DLG2: variants seen among roughly 807,000 people sequenced by gnomAD.
The protein encoded by DLG2 is disks large homolog 2.
Under a neutral mutation model 132.5 loss-of-function variants are expected in DLG2, and 45 were observed. That is an observed-to-expected ratio of 0.34 (90% CI 0.27 to 0.44). The LOEUF (loss-of-function observed/expected upper bound fraction) is 0.44. Ranked by LOEUF, DLG2 falls within the 20% of genes least tolerant of loss-of-function variation. The pLI is 1.00. For synonymous variants in DLG2, 424 were observed against 419.6 expected (o/e 1.01, Z -0.13); for missense variants, 1,045 against 1,196.9 (o/e 0.87, Z 1.87).
chr11:85,383,819 ATAACTTC>A (rs2086101162), intron 3 of DLG2, among the ~76,000 whole-genome samples: 1 of 152,176 alleles, frequency 6.6e-6, no homozygotes, highest in South Asian at 2.1e-4. Flanking sequence ...GCTTATATTA[ATAACTTC>A]CCTATAGGCT....
At chr11:84,915,899 T>C (rs779272294) in intron 6 of DLG2, among the ~76,000 whole-genome samples, 11 of 152,288 alleles carry the variant, frequency 7.2e-5, no homozygotes, top group Non-Finnish European at 1.0e-4. Flanking sequence ...AGAGACACAG[T>C]TCCTGCCCTC....
At chr11:83,794,839 CCTGT>C (rs2042402865) in intron 17 of DLG2, among the ~76,000 whole-genome samples, 1 of 152,032 alleles carries the variant, frequency 6.6e-6, no homozygotes, top group Non-Finnish European at 1.5e-5. Flanking sequence ...AATTTAATAT[CCTGT>C]CTAATTCCGA....
At chr11:84,891,639 A>G (rs1423132880) in intron 6 of DLG2, among the ~76,000 whole-genome samples, 1 of 152,196 alleles carries the variant, frequency 6.6e-6, no homozygotes, top group Non-Finnish European at 1.5e-5. Flanking sequence ...TTACAGCCAT[A>G]TGTTTTAAAA....
intron 3 of DLG2, among the ~76,000 whole-genome samples, chr11:85,483,591 C>T (rs2093349388): frequency 6.6e-6 from 1 of 152,150 alleles, no homozygotes; most frequent in South Asian, 2.1e-4. Context: ...AATACTCTAA[C>T]TGCAATGGTG....
intron 6 of DLG2, among the ~76,000 whole-genome samples, chr11:84,579,766 C>A (rs547841659): frequency 2.5e-4 from 38 of 152,234 alleles, no homozygotes; most frequent in Non-Finnish European, 4.4e-4. Flanking sequence ...AAGAACAGAC[C>A]AGTTAAGTGG....
At chr11:85,606,219 A>G (rs376760157) in intron 2 of DLG2, among the ~76,000 whole-genome samples, 14 of 152,218 alleles carry the variant, frequency 9.2e-5, no homozygotes, top group Admixed American at 5.9e-4. Flanking sequence ...CATATTTTAA[A>G]TATATACAAA....
chr11:83,911,894 G>A (rs2076132363), intron 15 of DLG2, among the ~76,000 whole-genome samples: 1 of 151,782 alleles, frequency 6.6e-6, no homozygotes, highest in African/African-American at 2.4e-5. Flanking sequence ...ATTACAAAAT[G>A]TGTTTCCTTA....
At chr11:84,815,165 A>G (rs1203376172) in intron 6 of DLG2, among the ~76,000 whole-genome samples, 1 of 152,114 alleles carries the variant, frequency 6.6e-6, no homozygotes, top group Non-Finnish European at 1.5e-5. Flanking sequence ...GTTTGTAGGA[A>G]ATACAATTTA....
At chr11:83,890,322 T>C (rs1045112480) in intron 15 of DLG2, among the ~76,000 whole-genome samples, 9 of 152,080 alleles carry the variant, frequency 5.9e-5, no homozygotes, top group East Asian at 1.9e-4. Flanking sequence ...ATTGAAAAGG[T>C]AGAGTTTTTT....
At chr11:85,147,011 G>T (rs1432744703) in intron 5 of DLG2, among the ~76,000 whole-genome samples, 1 of 152,178 alleles carries the variant, frequency 6.6e-6, no homozygotes, top group Non-Finnish European at 1.5e-5. Flanking sequence ...GCAGAATTGA[G>T]TTCCAATGCA....
At chr11:84,033,763 G>A (rs975245806) in intron 11 of DLG2, among the ~76,000 whole-genome samples, 41 of 152,156 alleles carry the variant, frequency 2.7e-4, no homozygotes, top group African/African-American at 9.9e-4. Flanking sequence ...GCCGGGCCGG[G>A]CGCGGTGGCT....
chr11:84,925,191 G>A (rs919298123), intron 6 of DLG2, among the ~76,000 whole-genome samples: 1 of 152,100 alleles, frequency 6.6e-6, no homozygotes, highest in Admixed American at 6.6e-5. Flanking sequence ...TAGTTGCCGG[G>A]ATATTTGGAT....
chr11:84,089,280 A>T (rs2097049130), intron 10 of DLG2, among the ~76,000 whole-genome samples: 1 of 152,190 alleles, frequency 6.6e-6, no homozygotes, highest in African/African-American at 2.4e-5. Flanking sequence ...ATTTGCACAG[A>T]AAACAAAAAA....
chr11:83,706,087 G>A (rs1158689668), intron 18 of DLG2, among the ~76,000 whole-genome samples: 4 of 151,834 alleles, frequency 2.6e-5, no homozygotes, highest in East Asian at 1.9e-4. Flanking sequence ...GCATGGTGGC[G>A]GGTGCCTGTA....
intron 6 of DLG2, among the ~76,000 whole-genome samples, chr11:85,105,205 G>C (rs1018143229): frequency 1.9e-4 from 29 of 151,944 alleles, no homozygotes; most frequent in African/African-American, 6.7e-4. Context: ...TGCACACTGG[G>C]AATGCCCTTT....
intron 6 of DLG2, among the ~76,000 whole-genome samples, chr11:84,968,155 C>G (rs1037992674): frequency 3.3e-5 from 5 of 151,962 alleles, no homozygotes; most frequent in African/African-American, 1.2e-4. Flanking sequence ...CATAAGACAT[C>G]CATGTAGTTA....
intron 21 of DLG2, among the ~76,000 whole-genome samples, chr11:83,505,485 A>G (rs2094648065): frequency 6.6e-6 from 1 of 152,216 alleles, no homozygotes; most frequent in Admixed American, 6.5e-5. Flanking sequence ...CTTGATTATT[A>G]AAATCCTCCT....
At chr11:83,862,967 C>T (rs2061689180) in intron 16 of DLG2, among the ~76,000 whole-genome samples, 1 of 152,104 alleles carries the variant, frequency 6.6e-6, no homozygotes, top group Admixed American at 6.6e-5. Context: ...CTTTTGCACT[C>T]AGTCGAGAGA....
chr11:85,271,259 C>G (rs970120931), intron 4 of DLG2, among the ~76,000 whole-genome samples: 3 of 152,166 alleles, frequency 2.0e-5, no homozygotes, highest in Non-Finnish European at 2.9e-5. Context: ...TGGCATTGAG[C>G]CTATGGGTAC....
Sources: allele counts gnomAD v4.1 joint callset (sites outside exome capture counted in the v4.1 genomes callset), GRCh38; gene constraint gnomAD v4.1.1; transcripts MANE v1.5; gene names NCBI Gene and HGNC (gene_info 2026-07-23, HGNC 2026-07-21).